Variants in ASAP1 observed in about 807,000 individuals in gnomAD.
ASAP1 encodes the protein arf-GAP with SH3 domain, ANK repeat and PH domain-containing protein 1.
In ASAP1, 43 loss-of-function variants were observed where a neutral mutation model predicts 145.2. That is an observed-to-expected ratio of 0.30 (90% CI 0.23 to 0.38). ASAP1 has a LOEUF of 0.38. ASAP1 is among the 10% of genes least tolerant of loss of function. The probability of loss-of-function intolerance (pLI) is 1.00; values close to 1 mark genes in which losing one functional copy is unlikely to be tolerated. For missense variants in ASAP1, 1,018 were observed against 1,355.3 expected, an observed-to-expected ratio of 0.75 and a Z score of 3.91; for synonymous variants, 546 against 515.5, an observed-to-expected ratio of 1.06 and a Z score of -0.80.
At chr8:130,369,454 A>G (rs532088133) in intron 2 of ASAP1, among the ~76,000 whole-genome samples, 1 of 152,364 alleles carries the variant, frequency 6.6e-6, no homozygotes, top group East Asian at 1.9e-4. Flanking sequence ...TGGGATTTTC[A>G]GATTGGGAAT....
rs554144062 is a variant in ASAP1 at position 130,091,531 on chromosome 8, T to C, written c.2572+442A>G. Among the ~76,000 whole-genome samples the C allele has an allele frequency of 6.4e-4, 97 of 152,304 alleles. 1 individual carries two copies. Among genetic ancestry groups the C allele is most frequent in the Admixed American group, 4.1e-3 (62 of 15,302 alleles). On this transcript the variant is annotated intron_variant, in intron 25 of 29. Coordinates refer to ENST00000518721, the MANE Select transcript of ASAP1 (RefSeq NM_018482.4). ...TCATGCAGGGCCCTGTGGGCCTTGA[T>C]ATAGGGAGCTTGCATTTATCTGAAG...
intron 3 of ASAP1, among the ~76,000 whole-genome samples, chr8:130,312,462 C>T (rs3891541): frequency 0.35 from 52,631 of 151,320 alleles, 9,364 homozygotes; most frequent in African/African-American, 0.42. Context: ...GGAAAAAAAA[C>T]CCATTAGGAA....
chr8:130,155,663 G>A (rs2097657038), intron 12 of ASAP1, among the ~76,000 whole-genome samples: 1 of 152,198 alleles, frequency 6.6e-6, no homozygotes, highest in Non-Finnish European at 1.5e-5. Context: ...TGATCTTTGT[G>A]AACATTTTGA....
At chr8:130,284,793 T>C (rs1248151385) in intron 3 of ASAP1, among the ~76,000 whole-genome samples, 1 of 151,198 alleles carries the variant, frequency 6.6e-6, no homozygotes. Context: ...CCCATAAGAA[T>C]ACTGGATCTC....
intron 27 of ASAP1, among the ~76,000 whole-genome samples, chr8:130,065,907 C>T (rs780766584): frequency 3.9e-5 from 6 of 152,150 alleles, no homozygotes; most frequent in Admixed American, 6.5e-5. Context: ...AGAGCTGTTT[C>T]GCACAGAGAT....
At chr8:130,066,975 A>G (rs1323084570) in intron 27 of ASAP1, among the ~76,000 whole-genome samples, 1 of 151,966 alleles carries the variant, frequency 6.6e-6, no homozygotes, top group Non-Finnish European at 1.5e-5. Context: ...GGCCTGGCTC[A>G]CTCTGCCAAA....
intron 26 of ASAP1, among the ~76,000 whole-genome samples, chr8:130,076,917 T>C (rs1051028063): frequency 3.9e-5 from 6 of 152,198 alleles, no homozygotes; most frequent in African/African-American, 1.2e-4. Context: ...TCCCTCTTAA[T>C]GATAAAGCCC....
chr8:130,167,507 G>A, intron 11 of ASAP1, 29 bp downstream of exon 11: 4 of 1,567,992 alleles, frequency 2.6e-6, no homozygotes, highest in Non-Finnish European at 3.5e-6. Flanking sequence ...TACACTGTTA[G>A]CCCTGTTGTA....
intron 3 of ASAP1, among the ~76,000 whole-genome samples, chr8:130,318,728 T>C (rs759271530): frequency 5.3e-5 from 8 of 152,284 alleles, no homozygotes; most frequent in African/African-American, 1.2e-4. Context: ...CGTGATAGAG[T>C]TGGGGTTCAG....
chr8:130,117,138 T>C, intron 20 of ASAP1, 143 bp from the exon 21 acceptor site: 2 of 602,174 alleles, frequency 3.3e-6, no homozygotes, highest in Non-Finnish European at 2.9e-6. Context: ...GTTTCTAACC[T>C]AGATTTATAA....
chr8:130,141,197 T>C (rs1259765157), intron 13 of ASAP1, among the ~76,000 whole-genome samples: 1 of 152,124 alleles, frequency 6.6e-6, no homozygotes, highest in East Asian at 1.9e-4. Context: ...TCTGGAAACG[T>C]CTATGTATCT....
chr8:130,123,157 A>C (rs540420329), intron 18 of ASAP1, among the ~76,000 whole-genome samples: 7 of 152,048 alleles, frequency 4.6e-5, no homozygotes, highest in Non-Finnish European at 1.0e-4. Context: ...TTTTGTTCCT[A>C]ATCTTTTTGC....
chr8:130,108,647 A>C (rs984562023), intron 24 of ASAP1, among the ~76,000 whole-genome samples: 1 of 152,060 alleles, frequency 6.6e-6, no homozygotes, highest in Non-Finnish European at 1.5e-5. Context: ...AAAAATACAA[A>C]AATTAGCTGG....
At chr8:130,168,900 T>A in intron 10 of ASAP1, 92 bp downstream of exon 10, 1 of 751,460 alleles carries the variant, frequency 1.3e-6, no homozygotes, top group Non-Finnish European at 2.2e-6. Context: ...TAATCTTTTC[T>A]GCTTTTAACA....
chr8:130,181,891 T>G (rs985703326), intron 7 of ASAP1, among the ~76,000 whole-genome samples: 1 of 152,216 alleles, frequency 6.6e-6, no homozygotes, highest in East Asian at 1.9e-4. Context: ...ATCCGTCAAG[T>G]CTTCTTTAAG....
At chr8:130,066,118 TC>T (rs1193118450) in intron 27 of ASAP1, among the ~76,000 whole-genome samples, 1 of 152,212 alleles carries the variant, frequency 6.6e-6, no homozygotes, top group Non-Finnish European at 1.5e-5. Context: ...CAATTTAGCT[TC>T]ATTATAGATT....
intron 3 of ASAP1, among the ~76,000 whole-genome samples, chr8:130,276,958 T>C (rs952487945): frequency 6.6e-6 from 1 of 152,164 alleles, no homozygotes; most frequent in Admixed American, 6.6e-5. Flanking sequence ...TGCCTGCTGC[T>C]GAGGGAGGTC....
intron 8 of ASAP1, among the ~76,000 whole-genome samples, chr8:130,180,046 A>G (rs936576170): frequency 4.3e-5 from 6 of 138,422 alleles, no homozygotes; most frequent in Non-Finnish European, 9.3e-5. Flanking sequence ...GGAAGGAAGG[A>G]AGGGAGGGAG....
chr8:130,159,736 A>G lies in ASAP1; in HGVS notation c.1010+128T>C, dbSNP rs2097665350. 31 of 714,522 alleles carry G rather than the reference A, an allele frequency of 4.3e-5. No individual in the cohort carries two copies. In the Admixed American group the frequency reaches 7.6e-4, roughly 18 times the overall value. The allele number at this position is 714,522 out of a possible 1,614,324, so 44.3% of individuals were successfully genotyped here. A position where few individuals can be genotyped will look rare whatever the true frequency, so the allele number is the denominator to read the frequency against. ...GGTCAAATCTCGGATTTACTTGAAG[A>G]AAACCAGTGTGCTAAAGGTCTGCAG... On this transcript the variant is annotated intron_variant, in intron 12 of 29. Transcript: ENST00000518721.
Sources: allele counts gnomAD v4.1 joint callset (sites outside exome capture counted in the v4.1 genomes callset), GRCh38; gene constraint gnomAD v4.1.1; transcripts MANE v1.5; gene names NCBI Gene and HGNC (gene_info 2026-07-23, HGNC 2026-07-21).